Variants in WASF1 observed in about 807,000 individuals in gnomAD.
The protein encoded by WASF1 is actin-binding protein WASF1.
A neutral mutation model predicts 50.5 loss-of-function variants in WASF1; 7 were observed. The observed-to-expected ratio is 0.14, with a 90% CI of 0.08 to 0.26. The LOEUF is 0.26. WASF1 is among the 10% of genes least tolerant of loss of function. WASF1 has a pLI of 1.00. For missense variants in WASF1, 470 were observed against 694.7 expected (o/e 0.68, Z 3.64); for synonymous variants, 205 against 244.0 (o/e 0.84, Z 1.49).
chr6:110,118,347 CAAAAAAAAAAAAAAAAAAAAAA>C (rs56948481), intron 4 of WASF1, among the ~76,000 whole-genome samples: 1 of 7,474 alleles, frequency 1.3e-4, no homozygotes, highest in Non-Finnish European at 2.6e-4. Context: ...AAACGGAAAG[CAAAAAAAAAAAAAAAAAAAAAA>C]AAAAAAAAAG....
chr6:110,150,081 C>CT lies in WASF1; in HGVS notation c.-29+10553dup, dbSNP rs1472780928. On this transcript the variant is annotated intron_variant, in intron 3 of 10. Coordinates refer to ENST00000392589, the MANE Select transcript of WASF1 (RefSeq NM_003931.3). ...TTGGCCTCCCAAATTTCACAATACC[C>CT]TAAAAGATTTTCAATGGTATTTTGA... 2.6e-5 allele frequency among the ~76,000 whole-genome samples: 4 copies of CT among 152,078 alleles called. No individual in the cohort carries two copies. In the South Asian group the frequency reaches 8.3e-4, roughly 31 times the overall value.
At chr6:110,172,088 G>C (rs962750878) in intron 2 of WASF1, among the ~76,000 whole-genome samples, 4 of 152,140 alleles carry the variant, frequency 2.6e-5, no homozygotes, top group Non-Finnish European at 1.5e-5. Flanking sequence ...GTTGGTGGGA[G>C]TGTAAATTAG....
At chr6:110,139,714 C>G (rs998565416) in intron 3 of WASF1, among the ~76,000 whole-genome samples, 8 of 152,116 alleles carry the variant, frequency 5.3e-5, no homozygotes, top group Non-Finnish European at 1.2e-4. Context: ...GAGCAGATCC[C>G]CTCCAATCCA....
chr6:110,153,936 T>C (rs1001710543), intron 3 of WASF1, among the ~76,000 whole-genome samples: 1 of 152,172 alleles, frequency 6.6e-6, no homozygotes, highest in African/African-American at 2.4e-5. Flanking sequence ...ACTGTGCTTG[T>C]ATTTAAATGT....
intron 3 of WASF1, among the ~76,000 whole-genome samples, chr6:110,150,924 C>A (rs1244726690): frequency 1.3e-5 from 2 of 152,190 alleles, no homozygotes; most frequent in Non-Finnish European, 2.9e-5. Flanking sequence ...GTAATCCCAG[C>A]TACTTGGGAG....
intron 3 of WASF1, among the ~76,000 whole-genome samples, chr6:110,151,003 T>A (rs1562183653): frequency 6.6e-6 from 1 of 152,140 alleles, no homozygotes; most frequent in Non-Finnish European, 1.5e-5. Context: ...CGCCATTGCA[T>A]TCCAGCATGG....
chr6:110,120,325 A>C (rs1230656877), intron 4 of WASF1, among the ~76,000 whole-genome samples: 2 of 152,220 alleles, frequency 1.3e-5, no homozygotes, highest in East Asian at 3.9e-4. Flanking sequence ...TTAAGCTGAT[A>C]CGCAACTTCA....
chr6:110,127,400 A>G (rs767389533), intron 4 of WASF1, 69 bp downstream of exon 4: 161 of 1,338,558 alleles, frequency 1.2e-4, no homozygotes, highest in Non-Finnish European at 1.5e-4. Flanking sequence ...AATCAGAAGC[A>G]CAACTTCTTA....
chr6:110,154,423 A>G (rs542348595), intron 3 of WASF1, among the ~76,000 whole-genome samples: 1 of 152,178 alleles, frequency 6.6e-6, no homozygotes, highest in East Asian at 1.9e-4. Flanking sequence ...AATACCTAAA[A>G]TATATTAATA....
chr6:110,159,828 A>G (rs573465452), intron 3 of WASF1, among the ~76,000 whole-genome samples: 1 of 151,992 alleles, frequency 6.6e-6, no homozygotes, highest in Non-Finnish European at 1.5e-5. Flanking sequence ...AGTGGTTTTA[A>G]GTACCTACAC....
At chr6:110,122,925 AT>A (rs1774204173) in intron 4 of WASF1, among the ~76,000 whole-genome samples, 1 of 152,000 alleles carries the variant, frequency 6.6e-6, no homozygotes, top group Non-Finnish European at 1.5e-5. Flanking sequence ...TTTAAACCCT[AT>A]CTAAAGTCAC....
At chr6:110,144,401 C>T (rs1775431853) in intron 3 of WASF1, among the ~76,000 whole-genome samples, 1 of 152,094 alleles carries the variant, frequency 6.6e-6, no homozygotes, top group Non-Finnish European at 1.5e-5. Flanking sequence ...AATTTTCTCC[C>T]ACTCTGTAGT....
At chr6:110,167,461 T>C (rs1776525837) in intron 2 of WASF1, among the ~76,000 whole-genome samples, 1 of 152,008 alleles carries the variant, frequency 6.6e-6, no homozygotes, top group Non-Finnish European at 1.5e-5. Flanking sequence ...TATCAATTAT[T>C]CTGACCCTGC....
In WASF1 at chr6:110,178,736, G is replaced by C. The variant is rs1777046635; in HGVS notation, c.-265C>G. The C allele has an allele frequency of 6.5e-6, 1 of 152,832 alleles. No homozygotes were observed. The highest frequency in any genetic ancestry group is 2.4e-5 in the African/African-American group (1 of 41,440). The allele number at this position is 152,832 out of a possible 1,614,324, so 9.5% of individuals were successfully genotyped here. A position where few individuals can be genotyped will look rare whatever the true frequency, so the allele number is the denominator to read the frequency against. On this transcript the variant is annotated 5_prime_UTR_variant, in exon 2 of 11. Coordinates refer to ENST00000392589, the MANE Select transcript of WASF1 (RefSeq NM_003931.3). ...AAGGTGTCAGAGTACCGAAGCTAGG[G>C]GGCATGCTGTAGCAAGGGGAAAAGA...
intron 10 of WASF1, 58 bp downstream of exon 10, chr6:110,101,530 A>T: frequency 6.6e-7 from 1 of 1,525,616 alleles, no homozygotes; most frequent in Admixed American, 2.1e-5. Context: ...TGTCTTAAAT[A>T]TTTAGAAAGT....
intron 8 of WASF1, among the ~76,000 whole-genome samples, chr6:110,104,137 C>T (rs3828928): frequency 0.04 from 6,081 of 151,968 alleles, 145 homozygotes; most frequent in East Asian, 0.12. Flanking sequence ...AGCTGAGTAA[C>T]ATAGCAACAT....
chr6:110,163,451 C>T (rs1172898632), intron 2 of WASF1, among the ~76,000 whole-genome samples: 2 of 151,268 alleles, frequency 1.3e-5, no homozygotes, highest in East Asian at 3.9e-4. Flanking sequence ...GCAGAAAGCT[C>T]GAGAGAGTGC....
intron 5 of WASF1, among the ~76,000 whole-genome samples, chr6:110,111,301 T>G (rs1773543820): frequency 6.6e-6 from 1 of 152,146 alleles, no homozygotes. Context: ...TAACAATGAT[T>G]TTATTTCAAG....
At chr6:110,146,434 C>T (rs1775564403) in intron 3 of WASF1, among the ~76,000 whole-genome samples, 1 of 151,458 alleles carries the variant, frequency 6.6e-6, no homozygotes, top group Non-Finnish European at 1.5e-5. Context: ...ACTCCCATGC[C>T]AATGACAAAA....
Sources: allele counts gnomAD v4.1 joint callset (sites outside exome capture counted in the v4.1 genomes callset), GRCh38; gene constraint gnomAD v4.1.1; transcripts MANE v1.5; gene names NCBI Gene and HGNC (gene_info 2026-07-23, HGNC 2026-07-21).